The following CACNA1A variants were observed in gnomAD, a reference collection of about 807,000 sequenced individuals.
The protein encoded by CACNA1A is calcium voltage-gated channel subunit alpha1 A, also known as voltage-dependent P/Q-type calcium channel subunit alpha-1A.
In CACNA1A, 57 loss-of-function variants were observed where a neutral mutation model predicts 262.4. The observed-to-expected ratio is 0.22, with a 90% CI of 0.18 to 0.27. The LOEUF is 0.27. Among genes scored for constraint, CACNA1A ranks in the 10% least tolerant of loss-of-function variants. The probability of loss-of-function intolerance (pLI) is 1.00; values close to 1 mark genes in which losing one functional copy is unlikely to be tolerated. For synonymous variants in CACNA1A, 1,431 were observed against 1,419.3 expected (o/e 1.01, Z -0.18); for missense variants, 2,526 against 3,562.8 (o/e 0.71, Z 7.41).
intron 22 of CACNA1A, among the ~76,000 whole-genome samples, chr19:13,278,820 T>C (rs1445845279): frequency 4.6e-5 from 7 of 152,110 alleles, no homozygotes; most frequent in Non-Finnish European, 8.8e-5. Context: ...TATATTCCTG[T>C]TATATGTGGT....
At chr19:13,303,014 G>C (rs2057819632) in intron 17 of CACNA1A, among the ~76,000 whole-genome samples, 2 of 152,164 alleles carry the variant, frequency 1.3e-5, no homozygotes, top group South Asian at 4.1e-4. Flanking sequence ...CTGGACGGAG[G>C]CTAGCTCTTA....
At chr19:13,314,933 C>T (rs1425761685) in intron 11 of CACNA1A, among the ~76,000 whole-genome samples, 1 of 152,126 alleles carries the variant, frequency 6.6e-6, no homozygotes, top group South Asian at 2.1e-4. Context: ...CCTAGACCCA[C>T]CAGAAGTAAC....
At chr19:13,247,569 G>T (rs2056274193) in intron 30 of CACNA1A, among the ~76,000 whole-genome samples, 1 of 151,986 alleles carries the variant, frequency 6.6e-6, no homozygotes, top group Non-Finnish European at 1.5e-5. Context: ...GCGTGGTGGT[G>T]CGCGCCTGTA....
At chr19:13,338,876 T>C (rs2058624350) in intron 6 of CACNA1A, among the ~76,000 whole-genome samples, 1 of 152,106 alleles carries the variant, frequency 6.6e-6, no homozygotes, top group African/African-American at 2.4e-5. Context: ...AAAAAGTTGT[T>C]TTTTTTTGAG....
chr19:13,230,103 G>A lies in CACNA1A; in HGVS notation c.5507C>T (p.Ala1836Val). ...HHLDEYVRVW[A>V]EYDPAAWGRM... is the part of the protein sequence containing the mutation. ...TTACCAAGCTGCGGGGTCATACTCG[G>A]CCCAGACACGCACGTACTCATCCAG... The change falls in exon 36 of 47, where the codon GCC becomes GTC. Residue 1836 changes from alanine (A) to valine (V), a missense_variant. Ala to Val is a moderately conservative substitution (Grantham distance 64). This residue lies in a region of CACNA1A where 112 missense variants were observed against 197.2 expected (regional missense o/e 0.57). Transcript: ENST00000360228. 6.2e-7 allele frequency: 1 copy of A among 1,613,678 alleles called. No individual in the cohort carries two copies. Among genetic ancestry groups the A allele is most frequent in the South Asian group, 1.1e-5 (1 of 91,048 alleles).
intron 19 of CACNA1A, among the ~76,000 whole-genome samples, chr19:13,287,675 G>A (rs1320241318): frequency 6.6e-6 from 1 of 151,200 alleles, no homozygotes; most frequent in Non-Finnish European, 1.5e-5. Context: ...CTAATTTTTT[G>A]TATTTCAGTA....
chr19:13,333,840 A>G (rs2058511122), intron 8 of CACNA1A: 1 of 152,606 alleles, frequency 6.6e-6, no homozygotes, highest in South Asian at 2.1e-4. Flanking sequence ...TCTCATTAGA[A>G]TATCAGAGCT....
intron 25 of CACNA1A, 31 bp downstream of exon 25, chr19:13,262,703 C>T (rs541340482): frequency 7.2e-7 from 1 of 1,382,412 alleles, no homozygotes; most frequent in Non-Finnish European, 1.0e-6. Context: ...GACAGTCCCC[C>T]CCACCGCACC....
rs567414466 is a variant in CACNA1A at position 13,441,503 on chromosome 19, C to A, written c.539+11373G>T. 4.0e-5 allele frequency among the ~76,000 whole-genome samples: 6 copies of A among 151,868 alleles called. No homozygotes were observed. In the East Asian group the frequency reaches 1.2e-3, roughly 29 times the overall value. On this transcript the variant is annotated intron_variant, in intron 3 of 46. Transcript: ENST00000360228. ...CCAACATGGTGAAACCCCCTCTCTA[C>A]TAAAAATGCAAAAATTAGCCAGGCA...
chr19:13,214,384 C>T lies in CACNA1A; in HGVS notation c.5840-51G>A. ...ACCAAGGGCAGGCCTCTTTGGGGCC[C>T]TTGTCCTGGGTCCCTGTGTATACCA... On this transcript the variant is annotated intron_variant, in intron 39 of 46. Transcript: ENST00000360228. This position sits in a 1 kb window ranked among gnomAD's most constrained non-coding sequence, Gnocchi z 4.1. 6.3e-7 allele frequency: 1 copy of T among 1,589,106 alleles called. No homozygotes were observed. The highest frequency in any genetic ancestry group is 8.6e-7 in the Non-Finnish European group (1 of 1,160,624).
At chr19:13,294,225 A>G (rs941220202) in intron 19 of CACNA1A, among the ~76,000 whole-genome samples, 3 of 151,668 alleles carry the variant, frequency 2.0e-5, no homozygotes, top group African/African-American at 7.3e-5. Flanking sequence ...AAAAACAAAC[A>G]AAACCCTAAA....
intron 1 of CACNA1A, among the ~76,000 whole-genome samples, chr19:13,498,606 C>T (rs1408793392): frequency 6.6e-6 from 1 of 152,130 alleles, no homozygotes; most frequent in Non-Finnish European, 1.5e-5. Context: ...CTGACCGAAG[C>T]GAGATGTCAA....
chr19:13,434,634 C>A (rs2060579002), intron 3 of CACNA1A, among the ~76,000 whole-genome samples: 1 of 152,128 alleles, frequency 6.6e-6, no homozygotes, highest in South Asian at 2.1e-4. Context: ...AGGACACCTG[C>A]TCCAGCTTTA....
intron 31 of CACNA1A, among the ~76,000 whole-genome samples, chr19:13,242,049 G>A (rs2056095023): frequency 6.6e-6 from 1 of 152,134 alleles, no homozygotes; most frequent in Non-Finnish European, 1.5e-5. Flanking sequence ...GGGCAACTGA[G>A]ACCTCCTTGC....
chr19:13,358,774 A>G (rs1254232019), intron 6 of CACNA1A, among the ~76,000 whole-genome samples: 1 of 152,210 alleles, frequency 6.6e-6, no homozygotes, highest in East Asian at 1.9e-4. Context: ...TGAAAAGGTA[A>G]CTAAATAAAA....
chr19:13,502,194 A>C lies in CACNA1A; in HGVS notation c.293+3738T>G, dbSNP rs546704554. On this transcript the variant is annotated intron_variant, in intron 1 of 46. Transcript: ENST00000360228. ...AAAAAAAAAAAATGAGAGGAGTGCC[A>C]ATCAGCCAATGTCCACAGATGTCAA... Among the ~76,000 whole-genome samples the C allele has an allele frequency of 2.6e-5, 4 of 151,352 alleles. No homozygotes were observed. In the South Asian group the frequency reaches 6.3e-4, roughly 24 times the overall value.
intron 3 of CACNA1A, among the ~76,000 whole-genome samples, chr19:13,426,490 C>T (rs1013460655): frequency 5.9e-5 from 9 of 151,956 alleles, no homozygotes; most frequent in South Asian, 2.1e-4. Flanking sequence ...TGGTAGCTCA[C>T]GGCCAAGAAT....
At position 13,230,150 on chromosome 19, in the gene CACNA1A, G is replaced by A. The variant is rs940275222; in HGVS notation, c.5460C>T (p.Ser1820=). 6.2e-7 allele frequency: 1 copy of A among 1,613,920 alleles called. No individual in the cohort carries two copies. The highest frequency in any genetic ancestry group is 1.7e-5 in the Admixed American group (1 of 60,006). ...CCAGGTGGTGGGGGCCCAGGATGGA[G>A]GAGTCTCGGGTGAGGTACTCAAAGT... is the stretch of plus-strand genomic sequence containing the variant. ...MDNFEYLTRD[S]SILGPHHLDE... Residue 1820 remains serine (S), a synonymous_variant, in exon 36 of 47, where the codon TCC becomes TCT. Transcript: ENST00000360228.
At chr19:13,413,915 G>GAA (rs749911202) in intron 3 of CACNA1A, among the ~76,000 whole-genome samples, 2 of 95,870 alleles carry the variant, frequency 2.1e-5, no homozygotes, top group Non-Finnish European at 5.0e-5. Flanking sequence ...AAGAAAGAAA[G>GAA]AAAGAAAGAA....
Sources: allele counts gnomAD v4.1 joint callset (sites outside exome capture counted in the v4.1 genomes callset), GRCh38; gene constraint gnomAD v4.1.1; regional missense constraint gnomAD v4.1.1; non-coding constraint Gnocchi (gnomAD v3.1); transcripts MANE v1.5; gene names NCBI Gene and HGNC (gene_info 2026-07-23, HGNC 2026-07-21).